Variants in CFAP54 observed in about 807,000 individuals in gnomAD.
CFAP54 encodes the protein cilia- and flagella-associated protein 54.
In CFAP54, 290 loss-of-function variants were observed where a neutral mutation model predicts 370.4. The ratio of observed to expected loss-of-function variants is 0.78; its 90% confidence interval spans 0.71 to 0.86. The LOEUF is 0.86. Among genes scored for constraint, CFAP54 ranks in the 40% least tolerant of loss-of-function variants. The pLI, the probability that CFAP54 is intolerant of heterozygous loss-of-function variation, is 0.00. For missense variants in CFAP54, 3,399 were observed against 3,528.7 expected, an observed-to-expected ratio of 0.96 and a Z score of 0.93; for synonymous variants, 1,206 against 1,236.5, an observed-to-expected ratio of 0.98 and a Z score of 0.52.
intron 60 of CFAP54, among the ~76,000 whole-genome samples, chr12:96,777,701 A>G (rs980745645): frequency 2.6e-5 from 4 of 152,008 alleles, no homozygotes; most frequent in African/African-American, 9.7e-5. Flanking sequence ...TGTTCATTCT[A>G]CTATGAGGGC....
intron 65 of CFAP54, among the ~76,000 whole-genome samples, chr12:96,826,725 A>G (rs1383093973): frequency 5.4e-5 from 6 of 112,056 alleles, no homozygotes; most frequent in African/African-American, 2.2e-4. Flanking sequence ...ACAACAGAAT[A>G]TATTATATAA....
At chr12:96,725,234 G>C (rs2136616704) in intron 50 of CFAP54, among the ~76,000 whole-genome samples, 1 of 151,440 alleles carries the variant, frequency 6.6e-6, no homozygotes, top group East Asian at 1.9e-4. Flanking sequence ...TAGCTTGATG[G>C]GGATGGCATT....
rs948629466 is a variant in CFAP54, at chr12:96,826,220, C to T, written c.9097-2794C>T. Among the ~76,000 whole-genome samples the T allele has an allele frequency of 6.3e-4, 91 of 144,106 alleles. 4 individuals carry two copies. 94.5% of individuals were successfully genotyped at this position (144,106 alleles called of 152,430 possible). The stretch of plus-strand genomic sequence containing the variant: ...ATCTAAGTTTAAACAAATGCAAAAA[C>T]AAGGAAAAGGCCAAATTTCAGGGTT... On this transcript the variant is annotated intron_variant, in intron 65 of 67. Coordinates refer to ENST00000524981, the MANE Select transcript of CFAP54 (RefSeq NM_001306084.2).
chr12:96,635,116 A>C (rs1463896872), intron 32 of CFAP54, among the ~76,000 whole-genome samples: 2 of 152,192 alleles, frequency 1.3e-5, no homozygotes, highest in Non-Finnish European at 2.9e-5. Flanking sequence ...TGTAACACGA[A>C]TTTTAAAGAT....
At position 96,718,507 on chromosome 12, in the gene CFAP54, T is replaced by C; in HGVS notation, c.6789T>C (p.Thr2263=). ...TTACAAAACTTAAAGATGAGATCAC[T>C]CTTAGCATGCTAAAGGTAAGTTTGA... ...YNLTKLKDEI[T]LSMLKSMLLM... is the part of the protein sequence containing the mutation. The change falls in exon 49 of 68, where the codon ACT becomes ACC. Residue 2263 remains threonine (T), a synonymous_variant. Transcript: ENST00000524981. The C allele has an allele frequency of 6.4e-7, 1 of 1,567,346 alleles. No individual in the cohort carries two copies. Among genetic ancestry groups the C allele is most frequent in the Non-Finnish European group, 8.8e-7 (1 of 1,139,180 alleles).
chr12:96,585,182 T>C (rs377621291), intron 22 of CFAP54, among the ~76,000 whole-genome samples: 1 of 151,996 alleles, frequency 6.6e-6, no homozygotes, highest in African/African-American at 2.4e-5. Flanking sequence ...TTTCTTTGAG[T>C]TGGAGTCTCA....
At chr12:96,830,630 G>A (rs1286129245) in intron 66 of CFAP54, among the ~76,000 whole-genome samples, 1 of 152,030 alleles carries the variant, frequency 6.6e-6, no homozygotes, top group Non-Finnish European at 1.5e-5. Flanking sequence ...ATCAATAGTA[G>A]ATGAGAGGAC....
chr12:96,718,564 A>C (rs769478441), intron 49 of CFAP54, 42 bp downstream of exon 49: 1 of 1,239,170 alleles, frequency 8.1e-7, no homozygotes. Flanking sequence ...TTAGTTACCA[A>C]AAATCCACTA....
chr12:96,755,159 A>AT (rs1203424251), intron 56 of CFAP54, among the ~76,000 whole-genome samples: 4 of 151,912 alleles, frequency 2.6e-5, no homozygotes, highest in Non-Finnish European at 4.4e-5. Flanking sequence ...TTTAGGATTT[A>AT]TTTTTTCTCC....
intron 60 of CFAP54, among the ~76,000 whole-genome samples, chr12:96,782,684 G>A (rs1462178581): frequency 1.3e-5 from 2 of 152,118 alleles, no homozygotes; most frequent in Admixed American, 6.5e-5. Context: ...TAGATTTAAT[G>A]TAGTTCAGTA....
intron 65 of CFAP54, among the ~76,000 whole-genome samples, chr12:96,828,229 T>C (rs764656195): frequency 2.0e-5 from 3 of 151,040 alleles, no homozygotes; most frequent in African/African-American, 2.4e-5. Context: ...GTAACTCAAG[T>C]CATTTAGGTT....
Position 96,664,808 on chromosome 12 carries a change from TATATAG to T in CFAP54, c.5563+882_5563+887del, listed in dbSNP as rs1313911004. On this transcript the variant is annotated intron_variant, in intron 39 of 67. Coordinates refer to ENST00000524981, the MANE Select transcript of CFAP54 (RefSeq NM_001306084.2). The stretch of plus-strand genomic sequence containing the variant: ...ATATATATATATATATATATATATA[TATATAG>T]ATATATATATGTATATCCCATAATG... 3.8e-3 allele frequency among the ~76,000 whole-genome samples: 158 copies of T among 41,742 alleles called. 9 individuals carry two copies. Among genetic ancestry groups the T allele is most frequent in the African/African-American group, 0.013 (114 of 8,502 alleles). The allele number at this position is 41,742 out of a possible 152,430, so 27.4% of individuals were successfully genotyped here.
rs565414256 is a variant in CFAP54 at position 96,581,037 on chromosome 12, G to C, written c.3007G>C (p.Glu1003Gln). Reference sequence around the variant, plus strand: ...AAAGCTTGTCGGTGGTGCTATTGGGGAGACAACTAAACCAATTCTGGTTTA... The same window carrying C: ...AAAGCTTGTCGGTGGTGCTATTGGGCAGACAACTAAACCAATTCTGGTTTA... ...NGKLVGGAIG[E>Q]TTKPILVYPP... Residue 1003 changes from glutamate (E) to glutamine (Q), a missense_variant, in exon 22 of 68, where the codon GAG becomes CAG. Physicochemically the swap from Glu to Gln is conservative, Grantham distance 29. Around this residue, in one of 3 missense-constraint regions of CFAP54, gnomAD observed 2,796 missense variants for 2,869.7 expected, o/e 0.97. Coordinates refer to ENST00000524981, the MANE Select transcript of CFAP54 (RefSeq NM_001306084.2). 7.2e-6 allele frequency: 11 copies of C among 1,532,764 alleles called. No homozygotes were observed. Among genetic ancestry groups the C allele is most frequent in the Non-Finnish European group, 9.6e-6 (11 of 1,145,058 alleles). 94.9% of individuals were successfully genotyped at this position (1,532,764 alleles called of 1,614,324 possible).
chr12:96,682,963 T>G (rs1011558731), intron 40 of CFAP54, among the ~76,000 whole-genome samples: 1 of 152,204 alleles, frequency 6.6e-6, no homozygotes, highest in Non-Finnish European at 1.5e-5. Context: ...TAATTCCATT[T>G]TCCTTGTCTT....
At chr12:96,520,259 T>TCAGGCTGGGC (rs1253846255) in intron 6 of CFAP54, among the ~76,000 whole-genome samples, 1 of 152,154 alleles carries the variant, frequency 6.6e-6, no homozygotes, top group African/African-American at 2.4e-5. Context: ...TAACTTAACT[T>TCAGGCTGGGC]CAGGCTGGGC....
Position 96,658,193 on chromosome 12 carries a change from T to C in CFAP54, c.5325-18T>C. 1 of 1,597,800 alleles carries C rather than the reference T, an allele frequency of 6.3e-7. No homozygotes were observed. Among genetic ancestry groups the C allele is most frequent in the Non-Finnish European group, 8.5e-7 (1 of 1,175,286 alleles). ...TAACTAATGTTTTCTTTTTAATGTATTCTTTACCCCTGTCTAGTGAGAGGT... is the reference window on the plus strand; with the variant it reads ...TAACTAATGTTTTCTTTTTAATGTACTCTTTACCCCTGTCTAGTGAGAGGT... On this transcript the variant is annotated intron_variant, in intron 37 of 67. Coordinates refer to ENST00000524981, the MANE Select transcript of CFAP54 (RefSeq NM_001306084.2).
At chr12:96,610,568 G>A (rs573403257) in intron 26 of CFAP54, among the ~76,000 whole-genome samples, 35 of 152,268 alleles carry the variant, frequency 2.3e-4, no homozygotes, top group Middle Eastern at 6.8e-3. Context: ...CCCACTGAGC[G>A]TGAGCCGAAG....
At chr12:96,547,361 A>AT (rs1271080231) in intron 14 of CFAP54, among the ~76,000 whole-genome samples, 1 of 151,812 alleles carries the variant, frequency 6.6e-6, no homozygotes, top group Non-Finnish European at 1.5e-5. Context: ...TAATTTTTGT[A>AT]TTTTTAGTAG....
intron 60 of CFAP54, among the ~76,000 whole-genome samples, chr12:96,782,242 A>G (rs1958587422): frequency 1.3e-5 from 2 of 152,132 alleles, no homozygotes; most frequent in South Asian, 4.1e-4. Context: ...TTCAGATGCC[A>G]AAACTATTCC....
Sources: allele counts gnomAD v4.1 joint callset (sites outside exome capture counted in the v4.1 genomes callset), GRCh38; gene constraint gnomAD v4.1.1; regional missense constraint gnomAD v4.1.1; transcripts MANE v1.5; gene names NCBI Gene and HGNC (gene_info 2026-07-23, HGNC 2026-07-21).